DISP3: variants seen among roughly 807,000 people sequenced by gnomAD.
The protein encoded by DISP3 is protein dispatched homolog 3.
In DISP3, 101 loss-of-function variants were observed where a neutral mutation model predicts 135.3. The ratio of observed to expected loss-of-function variants is 0.75; its 90% CI spans 0.64 to 0.88. The LOEUF is 0.88. DISP3 is among the 40% of genes least tolerant of loss of function. The probability of loss-of-function intolerance (pLI) is 0.00; values close to 1 mark genes in which losing one functional copy is unlikely to be tolerated. For synonymous variants in DISP3, 856 were observed against 817.0 expected (o/e 1.05, Z -0.81); for missense variants, 1,713 against 1,878.6 (o/e 0.91, Z 1.63).
At chr1:11,493,289 G>T (rs1397262386) in intron 1 of DISP3, among the ~76,000 whole-genome samples, 1 of 152,224 alleles carries the variant, frequency 6.6e-6, no homozygotes, top group Non-Finnish European at 1.5e-5. Context: ...CCAAAGGCCA[G>T]AAAAGACCAA....
Position 11,523,980 on chromosome 1 carries a change from A to G in DISP3, c.2401A>G (p.Ile801Val). Residue 801 changes from isoleucine (I) to valine (V), a missense_variant, in exon 11 of 21, where the codon ATC (isoleucine) becomes GTC (valine). Coordinates refer to ENST00000294484, the MANE Select transcript of DISP3 (RefSeq NM_020780.2). Reference sequence around the variant, plus strand: ...GAAGCCCCACAGCCTGCAGAACAACATCCGGACGTCCCTGGAGAAGAAGAG... The same window carrying G: ...GAAGCCCCACAGCCTGCAGAACAACGTCCGGACGTCCCTGGAGAAGAAGAG... ...QEKPHSLQNN[I>V]RTSLEKKRRG... is the part of the protein sequence containing the mutation. The G allele has an allele frequency of 6.2e-7, 1 of 1,613,048 alleles. No homozygotes were observed. The highest frequency in any genetic ancestry group is 1.1e-5 in the South Asian group (1 of 91,052).
At chr1:11,510,321 A>G (rs1641823619) in intron 3 of DISP3, among the ~76,000 whole-genome samples, 1 of 151,644 alleles carries the variant, frequency 6.6e-6, no homozygotes, top group Non-Finnish European at 1.5e-5. Flanking sequence ...GTTGGCTTTT[A>G]TGTTGTAACT....
chr1:11,518,197 T>C (rs1642067158), intron 7 of DISP3, among the ~76,000 whole-genome samples: 1 of 152,152 alleles, frequency 6.6e-6, no homozygotes, highest in Non-Finnish European at 1.5e-5. Flanking sequence ...ATGGAGGGTC[T>C]CTGGGCTTGG....
chr1:11,496,697 G>A (rs1315218672), intron 1 of DISP3, among the ~76,000 whole-genome samples: 1 of 152,208 alleles, frequency 6.6e-6, no homozygotes, highest in Non-Finnish European at 1.5e-5. Flanking sequence ...TGAGGCATTC[G>A]TGTTCCACCC....
Position 11,526,660 on chromosome 1 carries a change from G to A in DISP3, c.2623G>A (p.Ala875Thr). ...TCAACCCACTGCTTAGGTGTATAGA[G>A]CGCCTTTTGGTAACTTCACCAAGAA... is the stretch of plus-strand genomic sequence containing the variant. ...GEVPSFQVYR[A>T]PFGNFTKKLT... is the part of the protein sequence containing the mutation. The change falls in exon 13 of 21, where the codon GCG becomes ACG. Residue 875 changes from alanine (A) to threonine (T), a missense_variant. Ala to Thr is a moderately conservative substitution (Grantham distance 58, BLOSUM62 0). Coordinates refer to ENST00000294484, the MANE Select transcript of DISP3 (RefSeq NM_020780.2). 6.2e-7 allele frequency: 1 copy of A among 1,613,882 alleles called. No homozygotes were observed. Among genetic ancestry groups the A allele is most frequent in the Non-Finnish European group, 8.5e-7 (1 of 1,179,766 alleles).
chr1:11,521,279 C>A lies in DISP3; in HGVS notation c.2362+431C>A, dbSNP rs144497859. ...AGAGGAGGAAAGAAGAGGGGTCAAC[C>A]AGGTGGGGAGGGGAAAGGAGGGAAG... is the stretch of plus-strand genomic sequence containing the variant. On this transcript the variant is annotated intron_variant, in intron 10 of 20. Coordinates refer to ENST00000294484, the MANE Select transcript of DISP3 (RefSeq NM_020780.2). Among the ~76,000 whole-genome samples the A allele has an allele frequency of 1.4e-3, 158 of 114,960 alleles. 2 individuals carry two copies. The East Asian group carries it at 0.036, about 26-fold the overall frequency. 75.4% of individuals were successfully genotyped at this position (114,960 alleles called of 152,430 possible). A position where few individuals can be genotyped will look rare whatever the true frequency, so the allele number is the denominator to read the frequency against.
chr1:11,479,556 A>G (rs1640834392), intron 1 of DISP3, among the ~76,000 whole-genome samples, 184 bp downstream of exon 1: 2 of 152,166 alleles, frequency 1.3e-5, no homozygotes, highest in Admixed American at 6.5e-5. Context: ...AAAGACGGTC[A>G]GGGGTGGACA....
chr1:11,520,911 T>C lies in DISP3; in HGVS notation c.2362+63T>C. On this transcript the variant is annotated intron_variant, in intron 10 of 20. Transcript: ENST00000294484. The surrounding 1 kb of genome is among the most constrained non-coding windows in gnomAD (Gnocchi z 4.8). ...GTGTCCGGGTCCCAAAGACTGTTGG[T>C]CTGAGAGATGCAGGATCCAGGGTCC... 6.7e-7 allele frequency: 1 copy of C among 1,500,238 alleles called. No homozygotes were observed. The highest frequency in any genetic ancestry group is 9.0e-7 in the Non-Finnish European group (1 of 1,114,200). 92.9% of individuals were successfully genotyped at this position (1,500,238 alleles called of 1,614,324 possible).
chr1:11,537,383 T>TCTCTGGGGG lies in DISP3; in HGVS notation c.*706_*714dup. 1 of 149,896 alleles carries TCTCTGGGGG rather than the reference T, an allele frequency of 6.7e-6. No individual in the cohort carries two copies. Among genetic ancestry groups the TCTCTGGGGG allele is most frequent in the East Asian group, 2.1e-4 (1 of 4,822 alleles). 9.3% of individuals were successfully genotyped at this position (149,896 alleles called of 1,614,324 possible). A position where few individuals can be genotyped will look rare whatever the true frequency, so the allele number is the denominator to read the frequency against. On this transcript the variant is annotated 3_prime_UTR_variant, in exon 21 of 21. Transcript: ENST00000294484. ...GCCTCAAGGGGCCCCTCAAAGGCCC[T>TCTCTGGGGG]CTCTGGGGGCTCTGGGGCTCAGCAC...
At chr1:11,522,605 GA>G (rs1642239765) in intron 10 of DISP3, among the ~76,000 whole-genome samples, 4 of 96,276 alleles carry the variant, frequency 4.2e-5, no homozygotes, top group African/African-American at 9.9e-5. Context: ...GACCCAGCCA[GA>G]GCCCAGCCAG....
In DISP3 at chr1:11,525,287, G is replaced by A; in HGVS notation, c.2588G>A (p.Gly863Glu). ...GCTCCTTGGCAGGCTGTGTCGCCTG[G>A]GGATGGAGAGGTGCCCTCCTTCCAG... ...LPAPWQAVSP[G>E]DGEVPSFQVY... Residue 863 changes from glycine to glutamate, a missense_variant, in exon 12 of 21, where the codon GGG (glycine) becomes GAG (glutamate). By Grantham distance (98) the Gly-to-Glu change is moderately conservative. Around this residue, in one of 2 missense-constraint regions of DISP3, gnomAD observed 1,142 missense variants for 1,384.6 expected, o/e 0.82. Transcript: ENST00000294484. 1 of 1,613,834 alleles carries A rather than the reference G, an allele frequency of 6.2e-7. No homozygotes were observed. The highest frequency in any genetic ancestry group is 8.5e-7 in the Non-Finnish European group (1 of 1,179,840).
intron 1 of DISP3, among the ~76,000 whole-genome samples, chr1:11,480,935 A>C (rs1640886570): frequency 4.9e-5 from 7 of 141,660 alleles, no homozygotes; most frequent in African/African-American, 8.0e-5. Flanking sequence ...CTCAATACTC[A>C]CTCCTCTTTC....
rs749765618 is a variant in DISP3 at position 11,500,997 on chromosome 1, A to T, written c.5A>T (p.Asp2Val). The change falls in exon 2 of 21, where the codon GAC becomes GTC. Residue 2 changes from aspartate to valine, a missense_variant. By Grantham distance (152) the Asp-to-Val change is radical. Around this residue, in one of 2 missense-constraint regions of DISP3, gnomAD observed 571 missense variants for 494.1 expected, o/e 1.16. Transcript: ENST00000294484. ...CCTCTCCCTCTCCTGCAGACTATGG[A>T]CACGGAGGATGACCCCTTGCTGCAG... MDTEDDPLLQDV... is the reference protein window; with the variant it reads MVTEDDPLLQDV... 15 of 1,613,686 alleles carry T rather than the reference A, an allele frequency of 9.3e-6. No individual in the cohort carries two copies. The highest frequency in any genetic ancestry group is 1.3e-5 in the Non-Finnish European group (15 of 1,179,978).
chr1:11,492,121 CAAAAA>C (rs59755389), intron 1 of DISP3, among the ~76,000 whole-genome samples: 14 of 62,144 alleles, frequency 2.3e-4, no homozygotes, highest in Non-Finnish European at 3.1e-4. Flanking sequence ...GACTCCGTCT[CAAAAA>C]AAAAAAAAAA....
At chr1:11,533,791 T>TTGA (rs1332585674) in intron 17 of DISP3, 1 of 717,726 alleles carries the variant, frequency 1.4e-6, no homozygotes, top group Admixed American at 2.0e-5. Flanking sequence ...AAGAGCAGAA[T>TTGA]TGATGAGCAG....
In DISP3 at chr1:11,520,906, G is replaced by C; in HGVS notation, c.2362+58G>C. On this transcript the variant is annotated intron_variant, in intron 10 of 20. Coordinates refer to ENST00000294484, the MANE Select transcript of DISP3 (RefSeq NM_020780.2). The surrounding 1 kb of genome is among the most constrained non-coding windows in gnomAD (Gnocchi z 4.8). ...CTCAGGTGTCCGGGTCCCAAAGACT[G>C]TTGGTCTGAGAGATGCAGGATCCAG... 1 of 1,512,942 alleles carries C rather than the reference G, an allele frequency of 6.6e-7. No individual in the cohort carries two copies. The highest frequency in any genetic ancestry group is 8.9e-7 in the Non-Finnish European group (1 of 1,122,438). 93.7% of individuals were successfully genotyped at this position (1,512,942 alleles called of 1,614,324 possible).
At position 11,534,997 on chromosome 1, in the gene DISP3, G is replaced by T; in HGVS notation, c.3536-14G>T. ...CCACACAGCAGCGCACTGAGGCCCT[G>T]TCCTCCCTTGCAGGGGTGCAGAGCG... On this transcript the variant is annotated splice_polypyrimidine_tract_variant and intron_variant, in intron 18 of 20. Coordinates refer to ENST00000294484, the MANE Select transcript of DISP3 (RefSeq NM_020780.2). The T allele has an allele frequency of 6.4e-7, 1 of 1,563,460 alleles. No homozygotes were observed. Among genetic ancestry groups the T allele is most frequent in the Non-Finnish European group, 8.6e-7 (1 of 1,158,310 alleles).
chr1:11,505,685 C>T (rs1247987590), intron 3 of DISP3, among the ~76,000 whole-genome samples: 1 of 152,212 alleles, frequency 6.6e-6, no homozygotes, highest in Non-Finnish European at 1.5e-5. Context: ...GCTTTTAATA[C>T]TGGAATCTTA....
At position 11,517,398 on chromosome 1, in the gene DISP3, G is replaced by A. The variant is rs551737296; in HGVS notation, c.1750-65G>A. ...TCCTGAGTGTCTCTGGCTGCAGGGG[G>A]CACCCAGGCCCCCTGACTGCAGGTC... On this transcript the variant is annotated intron_variant, in intron 6 of 20. Coordinates refer to ENST00000294484, the MANE Select transcript of DISP3 (RefSeq NM_020780.2). The A allele has an allele frequency of 7.3e-5, 116 of 1,591,790 alleles. No individual in the cohort carries two copies. The African/African-American group carries it at 1.2e-3, about 17-fold the overall frequency.
Sources: allele counts gnomAD v4.1 joint callset (sites outside exome capture counted in the v4.1 genomes callset), GRCh38; gene constraint gnomAD v4.1.1; regional missense constraint gnomAD v4.1.1; non-coding constraint Gnocchi (gnomAD v3.1); transcripts MANE v1.5; gene names NCBI Gene and HGNC (gene_info 2026-07-23, HGNC 2026-07-21).